NEGR1: variants seen among roughly 807,000 people sequenced by gnomAD.
NEGR1 encodes the protein IgLON family member 4.
NEGR1 carries 10 observed loss-of-function variants against 40.9 expected under a neutral mutation model. The observed-to-expected ratio is 0.24, with a 90% confidence interval of 0.15 to 0.42. The LOEUF (loss-of-function observed/expected upper bound fraction) is 0.42, where lower values mean the gene tolerates loss of function less well. Ranked by LOEUF, NEGR1 falls within the 10% of genes least tolerant of loss-of-function variation. The pLI is 1.00. For synonymous variants in NEGR1, 185 were observed against 166.8 expected, an observed-to-expected ratio of 1.11 and a Z score of -0.84; for missense variants, 352 against 438.9, an observed-to-expected ratio of 0.80 and a Z score of 1.77.
At chr1:71,496,568 G>A (rs75936300) in intron 6 of NEGR1, among the ~76,000 whole-genome samples, 180 of 149,150 alleles carry the variant, frequency 1.2e-3, no homozygotes, top group African/African-American at 4.2e-3. Context: ...ATTTCCTTGG[G>A]CTAGGATTAT....
At chr1:72,055,388 T>C (rs946330146) in intron 1 of NEGR1, among the ~76,000 whole-genome samples, 1 of 151,252 alleles carries the variant, frequency 6.6e-6, no homozygotes, top group Admixed American at 6.6e-5. Flanking sequence ...TCTTTTAATT[T>C]AGTATCTATC....
chr1:72,243,678 A>T (rs1004410754), intron 1 of NEGR1, among the ~76,000 whole-genome samples: 1 of 151,854 alleles, frequency 6.6e-6, no homozygotes, highest in South Asian at 2.1e-4. Context: ...GATTACAATT[A>T]TAACAAATTA....
chr1:71,849,920 A>G (rs1395491791), intron 2 of NEGR1, among the ~76,000 whole-genome samples: 1 of 152,180 alleles, frequency 6.6e-6, no homozygotes. Context: ...TAACTTTTAT[A>G]TGCACTGGGA....
chr1:71,970,271 G>A (rs1019570763), intron 1 of NEGR1, among the ~76,000 whole-genome samples: 1 of 152,110 alleles, frequency 6.6e-6, no homozygotes, highest in African/African-American at 2.4e-5. Context: ...GAGACGCAAG[G>A]AAGGGCCAGA....
intron 6 of NEGR1, among the ~76,000 whole-genome samples, chr1:71,579,929 T>C (rs1481034812): frequency 6.6e-6 from 1 of 152,136 alleles, no homozygotes; most frequent in Non-Finnish European, 1.5e-5. Context: ...GAATGAAGCA[T>C]AGTAAGAGTC....
chr1:71,675,694 A>T (rs1273494868), intron 4 of NEGR1, among the ~76,000 whole-genome samples: 3 of 152,154 alleles, frequency 2.0e-5, no homozygotes, highest in Non-Finnish European at 4.4e-5. Flanking sequence ...AGGAAACCAA[A>T]CATGAATAGG....
At chr1:71,707,203 C>T (rs1305487610) in intron 3 of NEGR1, among the ~76,000 whole-genome samples, 1 of 152,056 alleles carries the variant, frequency 6.6e-6, no homozygotes, top group Non-Finnish European at 1.5e-5. Context: ...CTCTTGGGCT[C>T]TCTGATTCTA....
chr1:72,046,864 T>C (rs1202875088), intron 1 of NEGR1, among the ~76,000 whole-genome samples: 1 of 151,628 alleles, frequency 6.6e-6, no homozygotes, highest in East Asian at 1.9e-4. Flanking sequence ...TCAAAAGGTC[T>C]ACAACAAGAA....
At chr1:71,995,851 G>T (rs1004012472) in intron 1 of NEGR1, among the ~76,000 whole-genome samples, 5 of 152,008 alleles carry the variant, frequency 3.3e-5, no homozygotes, top group African/African-American at 9.7e-5. Context: ...GAAATTAATT[G>T]AAGTTTTGTT....
chr1:72,217,206 GC>G (rs1284471943), intron 1 of NEGR1, among the ~76,000 whole-genome samples: 14 of 151,730 alleles, frequency 9.2e-5, no homozygotes, highest in Admixed American at 6.6e-4. Context: ...AATTAATACA[GC>G]CCTTTGTTTA....
intron 6 of NEGR1, chr1:71,472,451 G>A (rs1646788744): frequency 6.6e-6 from 1 of 152,066 alleles, no homozygotes; most frequent in Admixed American, 6.6e-5. Flanking sequence ...TGTAAAAGAT[G>A]AAATTCAATT....
chr1:71,573,239 G>C (rs1458078016), intron 6 of NEGR1, among the ~76,000 whole-genome samples: 1 of 152,172 alleles, frequency 6.6e-6, no homozygotes, highest in Non-Finnish European at 1.5e-5. Flanking sequence ...GGAGGGAAAA[G>C]GAATGAATTT....
intron 6 of NEGR1, among the ~76,000 whole-genome samples, chr1:71,476,572 C>G (rs1646822285): frequency 6.6e-6 from 1 of 152,018 alleles, no homozygotes; most frequent in Admixed American, 6.6e-5. Context: ...CTGTGGGCTT[C>G]AAGTCACAGG....
intron 1 of NEGR1, among the ~76,000 whole-genome samples, chr1:71,936,987 T>C (rs1645912096): frequency 6.6e-6 from 1 of 152,192 alleles, no homozygotes; most frequent in Non-Finnish European, 1.5e-5. Flanking sequence ...TACATAAAAA[T>C]AGTTTGACAG....
At chr1:71,939,345 C>T (rs79825699) in intron 1 of NEGR1, among the ~76,000 whole-genome samples, 18,345 of 151,994 alleles carry the variant, frequency 0.12, 1,165 homozygotes, top group South Asian at 0.18. Flanking sequence ...AAGCAAGATC[C>T]AGGAATTTTG....
In NEGR1 at chr1:71,711,698, A is replaced by G. The variant is rs116764212; in HGVS notation, c.536-13559T>C. Among the ~76,000 whole-genome samples the G allele has an allele frequency of 5.1e-3, 773 of 152,298 alleles. 9 individuals carry two copies. The highest frequency in any genetic ancestry group is 0.017 in the African/African-American group (711 of 41,570). ...CAACTGTGTGAATGATTATATTAGC[A>G]TTACTGACAATTGCTAAAAACTGGA... On this transcript the variant is annotated intron_variant, in intron 3 of 6. Coordinates refer to ENST00000357731, the MANE Select transcript of NEGR1 (RefSeq NM_173808.3).
intron 1 of NEGR1, among the ~76,000 whole-genome samples, chr1:72,024,165 G>A (rs1467628368): frequency 6.6e-6 from 1 of 151,970 alleles, no homozygotes; most frequent in Non-Finnish European, 1.5e-5. Context: ...TAGCCAGCTG[G>A]CTACCTGATT....
intron 1 of NEGR1, among the ~76,000 whole-genome samples, chr1:72,009,957 GA>G (rs1646641964): frequency 6.6e-6 from 1 of 152,042 alleles, no homozygotes; most frequent in African/African-American, 2.4e-5. Context: ...CAAAAGCAGA[GA>G]CTGGAATGTG....
chr1:72,010,225 G>T (rs1646644123), intron 1 of NEGR1, among the ~76,000 whole-genome samples: 1 of 152,162 alleles, frequency 6.6e-6, no homozygotes, highest in East Asian at 1.9e-4. Flanking sequence ...TTTACCAGCT[G>T]TGAAGAGCTG....
Sources: allele counts gnomAD v4.1 joint callset (sites outside exome capture counted in the v4.1 genomes callset), GRCh38; gene constraint gnomAD v4.1.1; transcripts MANE v1.5; gene names NCBI Gene and HGNC (gene_info 2026-07-23, HGNC 2026-07-21).